Variants in SYMPK observed in about 807,000 individuals in gnomAD.
SYMPK encodes the protein symplekin scaffold protein.
Under a neutral mutation model 136.4 loss-of-function variants are expected in SYMPK, and 49 were observed. The ratio of observed to expected loss-of-function variants is 0.36; its 90% CI spans 0.29 to 0.46. SYMPK has a LOEUF of 0.46. SYMPK is among the 20% of genes least tolerant of loss of function. The pLI, the probability that SYMPK is intolerant of heterozygous loss-of-function variation, is 1.00. For synonymous variants in SYMPK, 766 were observed against 713.0 expected (o/e 1.07, Z -1.19); for missense variants, 1,365 against 1,690.0 (o/e 0.81, Z 3.37).
chr19:45,850,267 A>T (rs907031031), intron 5 of SYMPK, among the ~76,000 whole-genome samples: 1 of 152,022 alleles, frequency 6.6e-6, no homozygotes, highest in Admixed American at 6.6e-5. Flanking sequence ...AATAAATAAA[A>T]TCCCAGCCTT....
intron 10 of SYMPK, among the ~76,000 whole-genome samples, chr19:45,837,428 C>T (rs1330700964): frequency 6.6e-6 from 1 of 151,910 alleles, no homozygotes; most frequent in Non-Finnish European, 1.5e-5. Flanking sequence ...ACCAGCATGA[C>T]CAACATGGTG....
rs1971771555 is a variant in SYMPK, at chr19:45,854,411, C to T, written c.85G>A (p.Gly29Ser). Residue 29 changes from glycine (G) to serine (S), a missense_variant, in exon 2 of 27, where the codon GGC becomes AGC. Around this residue, in one of 11 missense-constraint regions of SYMPK, gnomAD observed 61 missense variants for 80.7 expected, o/e 0.76. Coordinates refer to ENST00000245934, the MANE Select transcript of SYMPK (RefSeq NM_004819.3). The part of the protein sequence containing the change: ...FTQEEGPGID[G>S]MTTSERVVDL... Reference sequence around the variant, plus strand: ...CTCACCCTCTCTGAGGTGGTCATGCCATCGATGCCCGGCCCCTCCTCTTGA... The same window carrying T: ...CTCACCCTCTCTGAGGTGGTCATGCTATCGATGCCCGGCCCCTCCTCTTGA... 1.2e-6 allele frequency: 2 copies of T among 1,614,040 alleles called. No individual in the cohort carries two copies. The highest frequency in any genetic ancestry group is 1.7e-5 in the Admixed American group (1 of 60,010).
intron 7 of SYMPK, among the ~76,000 whole-genome samples, chr19:45,844,843 C>T (rs751755407): frequency 3.9e-5 from 6 of 152,098 alleles, no homozygotes; most frequent in African/African-American, 1.4e-4. Flanking sequence ...TCTTTCCAGA[C>T]CTTTCCTATA....
intron 9 of SYMPK, among the ~76,000 whole-genome samples, chr19:45,840,312 C>CAAAAAAAAAAA (rs546768442): frequency 1.7e-5 from 1 of 57,146 alleles, no homozygotes; most frequent in Non-Finnish European, 3.6e-5. Flanking sequence ...GAGACTGTCT[C>CAAAAAAAAAAA]AAAAAAAAAA....
chr19:45,855,776 G>C (rs1971808786), intron 1 of SYMPK: 1 of 152,050 alleles, frequency 6.6e-6, no homozygotes, highest in South Asian at 2.1e-4. Context: ...CAGGCAGATC[G>C]CTTGAGCCTA....
rs941001763 is a variant in SYMPK at position 45,831,689 on chromosome 19, C to T, written c.1394-101G>A. On this transcript the variant is annotated intron_variant, in intron 11 of 26. Coordinates refer to ENST00000245934, the MANE Select transcript of SYMPK (RefSeq NM_004819.3). The stretch of plus-strand genomic sequence containing the variant: ...GGCTCTGTTCTGAGCCCTGTACACA[C>T]AAAACCTCGTTTAAATCCACACAAC... 5 of 977,520 alleles carry T rather than the reference C, an allele frequency of 5.1e-6. No homozygotes were observed. The African/African-American group carries it at 6.6e-5, about 13-fold the overall frequency. 60.6% of individuals were successfully genotyped at this position (977,520 alleles called of 1,614,324 possible). A position where few individuals can be genotyped will look rare whatever the true frequency, so the allele number is the denominator to read the frequency against.
intron 12 of SYMPK, chr19:45,830,481 A>C (rs537314323): frequency 2.5e-6 from 1 of 399,402 alleles, no homozygotes; most frequent in South Asian, 3.1e-5. Flanking sequence ...TGTCTGGGGG[A>C]CCAGCTCTCC....
intron 11 of SYMPK, among the ~76,000 whole-genome samples, chr19:45,833,096 G>A (rs1022509601): frequency 3.3e-5 from 5 of 151,664 alleles, no homozygotes; most frequent in East Asian, 1.9e-4. Flanking sequence ...TCAACTACTC[G>A]GGAGGCTGAT....
intron 23 of SYMPK, among the ~76,000 whole-genome samples, chr19:45,817,417 C>CTCTCTTTTTTTTTTTTT (rs1568605965): frequency 9.2e-6 from 1 of 108,480 alleles, no homozygotes; most frequent in Non-Finnish European, 1.9e-5. Context: ...TTTTTGTTCT[C>CTCTCTTTTTTTTTTTTT]TTTTTTTTTT....
chr19:45,838,693 G>C, intron 9 of SYMPK, 78 bp from the exon 10 acceptor site: 2 of 1,482,462 alleles, frequency 1.3e-6, no homozygotes, highest in Non-Finnish European at 1.8e-6. Context: ...TGCCCGGGTG[G>C]TCCCTGCCTC....
chr19:45,836,732 G>T (rs1971310276), intron 10 of SYMPK, among the ~76,000 whole-genome samples: 1 of 152,038 alleles, frequency 6.6e-6, no homozygotes, highest in Non-Finnish European at 1.5e-5. Flanking sequence ...TCAAATTCCT[G>T]GGCTTAAGCA....
Position 45,821,435 on chromosome 19 carries a change from C to A in SYMPK, c.2842G>T (p.Ala948Ser). Reference sequence around the variant, plus strand: ...TTCACGGAGTCAATGTTGTGTAATGCGATCAGGAGCTCTCCAGGGTTCAGC... The same window carrying A: ...TTCACGGAGTCAATGTTGTGTAATGAGATCAGGAGCTCTCCAGGGTTCAGC... ...SPLNPGELLI[A>S]LHNIDSVKCD... Residue 948 changes from alanine to serine, a missense_variant, in exon 22 of 27, where the codon GCA (alanine) becomes TCA (serine). Coordinates refer to ENST00000245934, the MANE Select transcript of SYMPK (RefSeq NM_004819.3). This position sits in a 1 kb window ranked among gnomAD's most constrained non-coding sequence, Gnocchi z 4.4. 6.2e-7 allele frequency: 1 copy of A among 1,613,996 alleles called. No individual in the cohort carries two copies. The highest frequency in any genetic ancestry group is 8.5e-7 in the Non-Finnish European group (1 of 1,179,992).
At chr19:45,856,932 C>A (rs1220250486) in intron 1 of SYMPK, among the ~76,000 whole-genome samples, 1 of 149,356 alleles carries the variant, frequency 6.7e-6, no homozygotes, top group African/African-American at 2.4e-5. Context: ...GACTGGCCAA[C>A]ATGGAGAAAC....
chr19:45,822,045 C>T (rs571138512), intron 21 of SYMPK, among the ~76,000 whole-genome samples: 29 of 151,766 alleles, frequency 1.9e-4, no homozygotes, highest in African/African-American at 6.5e-4. Context: ...TCCATTTTTT[C>T]TCTAGCACCA....
chr19:45,857,923 C>T (rs113383878), intron 1 of SYMPK, among the ~76,000 whole-genome samples: 128 of 151,990 alleles, frequency 8.4e-4, no homozygotes, highest in African/African-American at 3.0e-3. Context: ...CCTCATCTCC[C>T]AAGTAGCTGG....
At position 45,852,330 on chromosome 19, in the gene SYMPK, C is replaced by T; in HGVS notation, c.281G>A (p.Gly94Asp). 1.2e-6 allele frequency: 2 copies of T among 1,614,234 alleles called. No homozygotes were observed. The highest frequency in any genetic ancestry group is 1.7e-6 in the Non-Finnish European group (2 of 1,180,042). Reference sequence around the variant, plus strand: ...CCCATACCATGCCTCCTCGATGAAGCCGATGACAAATTTTCGCACTTCGAT... The same window carrying T: ...CCCATACCATGCCTCCTCGATGAAGTCGATGACAAATTTTCGCACTTCGAT... Reference protein sequence around the residue: ...KSIEVRKFVIGFIEEACKRDI... With the variant: ...KSIEVRKFVIDFIEEACKRDI... The change falls in exon 5 of 27, where the codon GGC (glycine) becomes GAC (aspartate). Residue 94 changes from glycine to aspartate, a missense_variant. Physicochemically the swap from Gly to Asp is moderately conservative, Grantham distance 94. Coordinates refer to ENST00000245934, the MANE Select transcript of SYMPK (RefSeq NM_004819.3).
intron 10 of SYMPK, among the ~76,000 whole-genome samples, chr19:45,835,445 G>A (rs753145373): frequency 3.9e-5 from 6 of 152,196 alleles, no homozygotes; most frequent in Non-Finnish European, 8.8e-5. Flanking sequence ...GCCACAGCAG[G>A]AGCCAGGCAA....
chr19:45,817,838 C>CA, intron 23 of SYMPK, 121 bp downstream of exon 23: 1 of 1,049,422 alleles, frequency 9.5e-7, no homozygotes, highest in Non-Finnish European at 1.3e-6. Context: ...TGGCAGGAGG[C>CA]AGAGCAGAGC....
intron 11 of SYMPK, among the ~76,000 whole-genome samples, chr19:45,834,089 C>T (rs747848695): frequency 6.6e-6 from 1 of 152,176 alleles, no homozygotes; most frequent in Non-Finnish European, 1.5e-5. Flanking sequence ...AGGTGGAGAC[C>T]ATCCTGGCTA....
Sources: allele counts gnomAD v4.1 joint callset (sites outside exome capture counted in the v4.1 genomes callset), GRCh38; gene constraint gnomAD v4.1.1; regional missense constraint gnomAD v4.1.1; non-coding constraint Gnocchi (gnomAD v3.1); transcripts MANE v1.5; gene names NCBI Gene and HGNC (gene_info 2026-07-23, HGNC 2026-07-21).